The following CAMTA1 variants were observed in gnomAD, a reference collection of about 807,000 sequenced individuals.
CAMTA1 encodes the protein calmodulin binding transcription activator 1.
Under a neutral mutation model 170.9 loss-of-function variants are expected in CAMTA1, and 27 were observed. That is an observed-to-expected ratio of 0.16 (90% CI 0.12 to 0.22). The LOEUF is 0.22. Ranked by LOEUF, CAMTA1 falls within the 10% of genes least tolerant of loss-of-function variation. The pLI is 1.00. For synonymous variants in CAMTA1, 833 were observed against 891.5 expected (o/e 0.93, Z 1.17); for missense variants, 1,619 against 2,217.2 (o/e 0.73, Z 5.42).
At chr1:6,950,189 C>G (rs988517222) in intron 3 of CAMTA1, among the ~76,000 whole-genome samples, 6 of 152,186 alleles carry the variant, frequency 3.9e-5, no homozygotes, top group African/African-American at 1.4e-4. Context: ...AGGAGGGGGA[C>G]GGCCTTCTCA....
chr1:7,441,549 G>C (rs903094030), intron 5 of CAMTA1: 1 of 152,260 alleles, frequency 6.6e-6, no homozygotes. Flanking sequence ...TGGGCTGCGG[G>C]TCGCGAGCCA....
At chr1:7,593,516 G>A (rs768257479) in intron 6 of CAMTA1, among the ~76,000 whole-genome samples, 2 of 145,162 alleles carry the variant, frequency 1.4e-5, no homozygotes, top group Admixed American at 6.9e-5. Flanking sequence ...TTGAGACAGA[G>A]TCCCACTCTG....
chr1:7,008,208 A>C (rs1204243372), intron 3 of CAMTA1, among the ~76,000 whole-genome samples: 3 of 152,190 alleles, frequency 2.0e-5, no homozygotes, highest in Non-Finnish European at 2.9e-5. Context: ...CATACAGGGC[A>C]TATCAGGTAA....
At chr1:6,909,162 T>G (rs1424932593) in intron 3 of CAMTA1, among the ~76,000 whole-genome samples, 1 of 152,244 alleles carries the variant, frequency 6.6e-6, no homozygotes, top group Non-Finnish European at 1.5e-5. Flanking sequence ...AAACTCAATT[T>G]ATTTGTCTGC....
chr1:7,658,699 C>G (rs1465914315), intron 7 of CAMTA1, among the ~76,000 whole-genome samples: 1 of 152,336 alleles, frequency 6.6e-6, no homozygotes, highest in Middle Eastern at 3.4e-3. Flanking sequence ...CTCATCTTGC[C>G]TCCACCAGGT....
At position 7,664,896 on chromosome 1, in the gene CAMTA1, G is replaced by A; in HGVS notation, c.2349G>A (p.Val783=). The change falls in exon 9 of 23, where the codon GTG becomes GTA. Residue 783 remains valine, a synonymous_variant. Coordinates refer to ENST00000303635, the MANE Select transcript of CAMTA1 (RefSeq NM_015215.4). ...FSDLINDFIS[V]EGGSSTIYGH... ...ACCTGATCAACGACTTCATCTCCGT[G>A]GAGGGGGGCAGCAGCACCATCTATG... 2 of 1,613,258 alleles carry A rather than the reference G, an allele frequency of 1.2e-6. No homozygotes were observed. The highest frequency in any genetic ancestry group is 1.7e-6 in the Non-Finnish European group (2 of 1,180,006).
intron 4 of CAMTA1, among the ~76,000 whole-genome samples, chr1:7,171,491 C>T (rs972125246): frequency 2.0e-5 from 3 of 152,178 alleles, no homozygotes; most frequent in Admixed American, 1.3e-4. Flanking sequence ...CCAACACAGA[C>T]CAAGTGGTCA....
rs144557363 is a variant in CAMTA1, at chr1:6,841,481, C to T, written c.234+16271C>T. 7.6e-3 allele frequency among the ~76,000 whole-genome samples: 1,153 copies of T among 151,924 alleles called. 62 individuals carry two copies. The highest frequency in any genetic ancestry group is 1.7e-3 in the Non-Finnish European group (115 of 67,982). ...TGATTAGTAACCTCAATGGGTGGTTCCAGTGGAGTGTTGGTGCGGTGGCCC... is the reference window on the plus strand; with the variant it reads ...TGATTAGTAACCTCAATGGGTGGTTTCAGTGGAGTGTTGGTGCGGTGGCCC... On this transcript the variant is annotated intron_variant, in intron 3 of 22. Coordinates refer to ENST00000303635, the MANE Select transcript of CAMTA1 (RefSeq NM_015215.4).
chr1:7,028,591 G>A (rs1702331610), intron 3 of CAMTA1, among the ~76,000 whole-genome samples: 1 of 152,142 alleles, frequency 6.6e-6, no homozygotes, highest in Non-Finnish European at 1.5e-5. Flanking sequence ...ATGTTTCTCT[G>A]ATCATCATAA....
chr1:7,597,035 T>C (rs975126429), intron 6 of CAMTA1, among the ~76,000 whole-genome samples: 12 of 152,148 alleles, frequency 7.9e-5, no homozygotes, highest in African/African-American at 2.7e-4. Context: ...GCCTTGGACA[T>C]TGTTGGCATC....
chr1:6,888,894 C>G (rs1673917371), intron 3 of CAMTA1, among the ~76,000 whole-genome samples: 1 of 151,900 alleles, frequency 6.6e-6, no homozygotes, highest in African/African-American at 2.4e-5. Context: ...AGGCTGTTAC[C>G]TCAAGGTGAG....
chr1:6,835,765 C>CT (rs1652792201), intron 3 of CAMTA1, among the ~76,000 whole-genome samples: 2 of 152,246 alleles, frequency 1.3e-5, no homozygotes, highest in South Asian at 2.1e-4. Context: ...CTTTCTAGAG[C>CT]TTTTTTCTCA....
chr1:7,508,103 G>A (rs988350022), intron 6 of CAMTA1, among the ~76,000 whole-genome samples: 1 of 152,268 alleles, frequency 6.6e-6, no homozygotes, highest in Non-Finnish European at 1.5e-5. Context: ...ACCCTGAGAA[G>A]GTAGGAAGTG....
intron 3 of CAMTA1, among the ~76,000 whole-genome samples, chr1:6,936,657 C>T (rs1685355006): frequency 6.6e-6 from 1 of 152,148 alleles, no homozygotes; most frequent in Non-Finnish European, 1.5e-5. Context: ...GCTCTTTTGC[C>T]ACCAAGCTTT....
intron 8 of CAMTA1, 87 bp from the exon 9 acceptor site, chr1:7,663,266 T>C: frequency 6.7e-7 from 1 of 1,485,182 alleles, no homozygotes; most frequent in Non-Finnish European, 9.0e-7. Flanking sequence ...ACCACGGTCC[T>C]AGCTCTGACT....
At chr1:7,187,766 T>C (rs1573753624) in intron 4 of CAMTA1, among the ~76,000 whole-genome samples, 1 of 152,174 alleles carries the variant, frequency 6.6e-6, no homozygotes. Flanking sequence ...CCTTTCCCCC[T>C]CCATCCCATT....
rs78587203 is a variant in CAMTA1 at position 7,361,158 on chromosome 1, A to G, written c.439-106672A>G. Among the ~76,000 whole-genome samples, 273 of 152,330 alleles carry G rather than the reference A, an allele frequency of 1.8e-3. 4 individuals carry two copies. The East Asian group carries it at 0.047, about 26-fold the overall frequency. Reference sequence around the variant, plus strand: ...ACAAAATAGGAGTGGCGCCATATTCATTTGGAATCTGTGATCCTGCATCAT... The same window carrying G: ...ACAAAATAGGAGTGGCGCCATATTCGTTTGGAATCTGTGATCCTGCATCAT... On this transcript the variant is annotated intron_variant, in intron 5 of 22. Coordinates refer to ENST00000303635, the MANE Select transcript of CAMTA1 (RefSeq NM_015215.4).
At chr1:7,123,266 G>C (rs181495409) in intron 4 of CAMTA1, among the ~76,000 whole-genome samples, 4 of 152,238 alleles carry the variant, frequency 2.6e-5, no homozygotes, top group South Asian at 2.1e-4. Flanking sequence ...TCCTTGGCCT[G>C]TCGGTGGCTG....
chr1:7,066,209 T>C (rs1169380722), intron 3 of CAMTA1, among the ~76,000 whole-genome samples: 5 of 152,356 alleles, frequency 3.3e-5, no homozygotes, highest in African/African-American at 1.2e-4. Context: ...TGGTTCCCTC[T>C]TCTTCTCCCA....
Sources: gnomAD v4.1 joint callset for allele counts (sites outside exome capture counted in the v4.1 genomes callset) on GRCh38, gnomAD v4.1.1 for gene constraint, MANE v1.5 for transcripts, NCBI Gene and HGNC (gene_info 2026-07-23, HGNC 2026-07-21) for gene names.